The following ATP8B3 variants were observed in gnomAD, a reference collection of about 807,000 sequenced individuals.
ATP8B3 encodes ATPase phospholipid transporting 8B3.
ATP8B3 carries 141 observed loss-of-function variants against 140.9 expected under a neutral mutation model. The observed-to-expected ratio is 1.00, with a 90% CI of 0.87 to 1.15. ATP8B3 has a LOEUF of 1.15. Among genes scored for constraint, ATP8B3 ranks in the 50% most tolerant of loss-of-function variants. ATP8B3 has a pLI of 0.00. For synonymous variants in ATP8B3, 765 were observed against 714.6 expected, an observed-to-expected ratio of 1.07 and a Z score of -1.13; for missense variants, 1,874 against 1,740.6, an observed-to-expected ratio of 1.08 and a Z score of -1.36.
chr19:1,785,869 G>A (rs1460159286), intron 25 of ATP8B3, among the ~76,000 whole-genome samples, 161 bp from the exon 26 acceptor site: 1 of 152,148 alleles, frequency 6.6e-6, no homozygotes, highest in Non-Finnish European at 1.5e-5. Flanking sequence ...GGTGGCACAC[G>A]CCTGTAATCT....
intron 2 of ATP8B3, 135 bp from the exon 3 acceptor site, chr19:1,810,818 G>T (rs971011457): frequency 1.3e-6 from 1 of 759,618 alleles, no homozygotes; most frequent in Non-Finnish European, 2.0e-6. Flanking sequence ...CAGCCTCCCC[G>T]CCAGGCTCTG....
chr19:1,800,512 TG>T lies in ATP8B3; in HGVS notation c.1153-64del. Reference sequence around the variant, plus strand: ...GGGGTCCCCCACTCTGCCATCAGGATGGGGTAAACACAAAGATAAGGCTGGG... The same window carrying T: ...GGGGTCCCCCACTCTGCCATCAGGATGGGTAAACACAAAGATAAGGCTGGG... On this transcript the variant is annotated intron_variant, in intron 12 of 28. Transcript: ENST00000310127. The surrounding 1 kb of genome is among the most constrained non-coding windows in gnomAD (Gnocchi z 4.4). 6.9e-7 allele frequency: 1 copy of T among 1,442,652 alleles called. No homozygotes were observed. The allele number at this position is 1,442,652 out of a possible 1,614,324, so 89.4% of individuals were successfully genotyped here.
At position 1,800,287 on chromosome 19, in the gene ATP8B3, C is replaced by G; in HGVS notation, c.1315G>C (p.Val439Leu). 1 of 1,612,438 alleles carries G rather than the reference C, an allele frequency of 6.2e-7. No individual in the cohort carries two copies. The highest frequency in any genetic ancestry group is 1.7e-4 in the Middle Eastern group (1 of 6,054). The change falls in exon 13 of 29, where the codon GTC (valine) becomes CTC (leucine). Residue 439 changes from valine (V) to leucine (L), a missense_variant. Transcript: ENST00000310127. The surrounding 1 kb of genome is among the most constrained non-coding windows in gnomAD (Gnocchi z 4.4). ...VFWSFLILLS[V>L]TIPMSMFILS... is the part of the protein sequence containing the mutation. ...ATGAACATGGACATCGGGATGGTGA[C>G]GCTGAGCAGGATGAGGAAGCTCCAG... is the stretch of plus-strand genomic sequence containing the variant.
intron 18 of ATP8B3, 67 bp downstream of exon 18, chr19:1,795,808 C>CACACACAA (rs2068646920): frequency 2.5e-6 from 2 of 806,944 alleles, no homozygotes; most frequent in African/African-American, 3.7e-5. Context: ...CACACACACA[C>CACACACAA]ACACACACAC....
At chr19:1,784,394 G>A (rs1478424529) in intron 28 of ATP8B3, among the ~76,000 whole-genome samples, 4 of 152,104 alleles carry the variant, frequency 2.6e-5, no homozygotes, top group African/African-American at 7.2e-5. Context: ...ACATGCCCGT[G>A]GTCTCAGCTA....
intron 22 of ATP8B3, 43 bp downstream of exon 22, chr19:1,789,847 C>T (rs1239187836): frequency 1.9e-6 from 3 of 1,604,938 alleles, no homozygotes; most frequent in Non-Finnish European, 2.6e-6. Context: ...CCAGGCCCCT[C>T]CCTGGCGCCG....
intron 24 of ATP8B3, 21 bp downstream of exon 24, chr19:1,788,876 C>T (rs1477101140): frequency 1.9e-6 from 3 of 1,561,608 alleles, no homozygotes; most frequent in African/African-American, 2.7e-5. Flanking sequence ...GGTCATGGGG[C>T]AGCCAGGGTG....
In ATP8B3 at chr19:1,794,940, C is replaced by T. The variant is rs117912867; in HGVS notation, c.2055+935G>A. ...TGGCAGCTGGGCCAGCTCAACCGCA[C>T]GGTCGTCTTGTGCAAATGAGAAAAA... On this transcript the variant is annotated intron_variant, in intron 18 of 28. Transcript: ENST00000310127. The surrounding 1 kb of genome is among the most constrained non-coding windows in gnomAD (Gnocchi z 4.8). Among the ~76,000 whole-genome samples, 75 of 152,320 alleles carry T rather than the reference C, an allele frequency of 4.9e-4. 1 individual carries two copies. In the East Asian group the frequency reaches 0.013, roughly 27 times the overall value.
chr19:1,782,624 C>T lies in ATP8B3; in HGVS notation c.*404G>A, dbSNP rs1021433233. On this transcript the variant is annotated 3_prime_UTR_variant, in exon 29 of 29. Transcript: ENST00000310127. ...CTTCTCCTCCGAGGAGTCTGGCTGGCTCTCCAACGTCAGCTGGCCTGAAAG... is the reference window on the plus strand; with the variant it reads ...CTTCTCCTCCGAGGAGTCTGGCTGGTTCTCCAACGTCAGCTGGCCTGAAAG... 7 of 251,690 alleles carry T rather than the reference C, an allele frequency of 2.8e-5. No individual in the cohort carries two copies. In the East Asian group the frequency reaches 3.0e-4, roughly 11 times the overall value. 15.6% of individuals were successfully genotyped at this position (251,690 alleles called of 1,614,324 possible).
chr19:1,804,900 C>CA (rs1190717060), intron 10 of ATP8B3, among the ~76,000 whole-genome samples: 2 of 152,268 alleles, frequency 1.3e-5, no homozygotes, highest in African/African-American at 4.8e-5. Context: ...CCAGCCCATG[C>CA]ACGCAGGTGC....
rs201814416 is a variant in ATP8B3 at position 1,796,804 on chromosome 19, G to A, written c.1660C>T (p.Arg554Trp). 3.7e-4 allele frequency: 595 copies of A among 1,612,498 alleles called. 2 individuals carry two copies. In the African/African-American group the frequency reaches 4.7e-3, roughly 13 times the overall value. The stretch of plus-strand genomic sequence containing the variant: ...CGCACGGCCTCGTCCCCGTTGGTCC[G>A]CACGAGGTGCAGCAGGGCCGCATTG... ...FHNAALLHLV[R>W]TNGDEAVREF... is the part of the protein sequence containing the mutation. The change falls in exon 16 of 29, where the codon CGG (arginine) becomes TGG (tryptophan). Residue 554 changes from arginine to tryptophan, a missense_variant. Physicochemically the swap from Arg to Trp is moderately radical, Grantham distance 101. Around this residue, in one of 3 missense-constraint regions of ATP8B3, gnomAD observed 1,032 missense variants for 963.6 expected, o/e 1.07. Transcript: ENST00000310127.
Position 1,809,641 on chromosome 19 carries a change from A to G in ATP8B3, c.402+2T>C, listed in dbSNP as rs745759738. On this transcript the variant is annotated splice_donor_variant, in intron 4 of 28. Coordinates refer to ENST00000310127, the MANE Select transcript of ATP8B3 (RefSeq NM_138813.4). LOFTEE classifies it high-confidence loss of function. ...CAGGGAGGCGCGGGAGGGGCCGCCCACCTTGTATTTCTTCCTTTGCCAGCA... is the reference window on the plus strand; with the variant it reads ...CAGGGAGGCGCGGGAGGGGCCGCCCGCCTTGTATTTCTTCCTTTGCCAGCA... 1 of 1,604,796 alleles carries G rather than the reference A, an allele frequency of 6.2e-7. No homozygotes were observed. The highest frequency in any genetic ancestry group is 2.2e-5 in the East Asian group (1 of 44,642).
chr19:1,795,238 G>A (rs1055512295), intron 18 of ATP8B3, among the ~76,000 whole-genome samples: 1 of 151,886 alleles, frequency 6.6e-6, no homozygotes, highest in African/African-American at 2.4e-5. Flanking sequence ...CTGGGCAACA[G>A]TGCAAGACTC....
Position 1,805,784 on chromosome 19 carries a change from C to G in ATP8B3, c.821+104G>C. 1 of 1,426,260 alleles carries G rather than the reference C, an allele frequency of 7.0e-7. No homozygotes were observed. The highest frequency in any genetic ancestry group is 9.7e-7 in the Non-Finnish European group (1 of 1,032,040). 88.4% of individuals were successfully genotyped at this position (1,426,260 alleles called of 1,614,324 possible). A position where few individuals can be genotyped will look rare whatever the true frequency, so the allele number is the denominator to read the frequency against. On this transcript the variant is annotated intron_variant, in intron 9 of 28. Transcript: ENST00000310127. This position sits in a 1 kb window ranked among gnomAD's most constrained non-coding sequence, Gnocchi z 5.2. ...CTCATGGGGTGAGTGACCAAAGTCT[C>G]TGAGCGACCTTGGCTGGCCGCCTCC...
chr19:1,797,450 GT>G (rs2068715810), intron 14 of ATP8B3, among the ~76,000 whole-genome samples: 1 of 151,710 alleles, frequency 6.6e-6, no homozygotes, highest in South Asian at 2.1e-4. Context: ...TCCTCCTGGG[GT>G]TTTTGTTCTT....
In ATP8B3 at chr19:1,784,900, GACC is replaced by G. The variant is rs1225327529; in HGVS notation, c.3576_3578del (p.Val1193del). The G allele has an allele frequency of 1.9e-6, 3 of 1,613,162 alleles. 1 individual carries two copies. Among genetic ancestry groups the G allele is most frequent in the Non-Finnish European group, 1.7e-6 (2 of 1,179,718 alleles). On this transcript the variant is annotated inframe_deletion, in exon 28 of 29. Transcript: ENST00000310127. ...AGGTGTTTATGGACACACTCAGCAG[GACC>G]ACCAGCAGGATGGAGGGAGAGGACA...
Position 1,785,225 on chromosome 19 carries a change from T to C in ATP8B3, c.3466A>G (p.Ile1156Val), listed in dbSNP as rs777395857. 9 of 1,608,160 alleles carry C rather than the reference T, an allele frequency of 5.6e-6. No individual in the cohort carries two copies. The highest frequency in any genetic ancestry group is 7.6e-6 in the Non-Finnish European group (9 of 1,177,308). ...AAGCTCTGGGTGGTGGTAGTCATGA[T>C]GGCGTAGAAACCAAGGCTGAGGAGG... ...TILLSLGFYA[I>V]MTTTTQSFWL... Residue 1156 changes from isoleucine (I) to valine (V), a missense_variant, in exon 27 of 29, where the codon ATC becomes GTC. Around this residue, in one of 3 missense-constraint regions of ATP8B3, gnomAD observed 840 missense variants for 760.9 expected, o/e 1.10. Coordinates refer to ENST00000310127, the MANE Select transcript of ATP8B3 (RefSeq NM_138813.4).
Position 1,805,966 on chromosome 19 carries a change from G to T in ATP8B3, c.751-8C>A. On this transcript the variant is annotated splice_region_variant and splice_polypyrimidine_tract_variant and intron_variant, in intron 8 of 28. Coordinates refer to ENST00000310127, the MANE Select transcript of ATP8B3 (RefSeq NM_138813.4). This position sits in a 1 kb window ranked among gnomAD's most constrained non-coding sequence, Gnocchi z 5.2. ...CAGCAAGAGCATGTCGGCCTGGTGT[G>T]GAGTGGGGGGCAGCGTTGCAAGAGG... 6.2e-7 allele frequency: 1 copy of T among 1,612,640 alleles called. No individual in the cohort carries two copies. Among genetic ancestry groups the T allele is most frequent in the Non-Finnish European group, 8.5e-7 (1 of 1,179,820 alleles).
chr19:1,802,415 A>AC, intron 11 of ATP8B3, 72 bp downstream of exon 11: 2 of 206,838 alleles, frequency 9.7e-6, no homozygotes, highest in Non-Finnish European at 1.9e-5. Context: ...CTACCCACCC[A>AC]CCCATCCCCA....
Sources: allele counts gnomAD v4.1 joint callset (sites outside exome capture counted in the v4.1 genomes callset), GRCh38; gene constraint gnomAD v4.1.1; regional missense constraint gnomAD v4.1.1; non-coding constraint Gnocchi (gnomAD v3.1); transcripts MANE v1.5; gene names NCBI Gene and HGNC (gene_info 2026-07-23, HGNC 2026-07-21).